FRMD4A: variants seen among roughly 807,000 people sequenced by gnomAD.
FRMD4A encodes the protein FERM domain-containing protein 4A.
A neutral mutation model predicts 129.1 loss-of-function variants in FRMD4A; 29 were observed. The ratio of observed to expected loss-of-function variants is 0.22; its 90% CI spans 0.17 to 0.31. FRMD4A has a LOEUF of 0.31. FRMD4A is among the 10% of genes least tolerant of loss of function. The pLI, the probability that FRMD4A is intolerant of heterozygous loss-of-function variation, is 1.00. For missense variants in FRMD4A, 1,272 were observed against 1,375.8 expected (o/e 0.92, Z 1.19); for synonymous variants, 634 against 571.6 (o/e 1.11, Z -1.56).
chr10:13,949,966 T>C (rs2095360520), intron 2 of FRMD4A, among the ~76,000 whole-genome samples: 1 of 152,256 alleles, frequency 6.6e-6, no homozygotes, highest in African/African-American at 2.4e-5. Flanking sequence ...TTCCATGTCA[T>C]CAAGAATCAA....
chr10:13,932,345 A>T (rs1589315784), intron 2 of FRMD4A, among the ~76,000 whole-genome samples: 3 of 152,260 alleles, frequency 2.0e-5, no homozygotes, highest in East Asian at 1.9e-4. Flanking sequence ...TTCCAGCTCA[A>T]CATCTCCATT....
chr10:14,161,511 A>G (rs1840886295), intron 2 of FRMD4A, among the ~76,000 whole-genome samples: 1 of 152,236 alleles, frequency 6.6e-6, no homozygotes, highest in African/African-American at 2.4e-5. Context: ...AAATCCTGCC[A>G]TTTGCAGGGA....
chr10:13,945,251 C>T (rs1308151175), intron 2 of FRMD4A, among the ~76,000 whole-genome samples: 3 of 152,120 alleles, frequency 2.0e-5, no homozygotes, highest in Non-Finnish European at 4.4e-5. Flanking sequence ...ATTTTCTCTC[C>T]AGTAAAATTT....
intron 2 of FRMD4A, among the ~76,000 whole-genome samples, chr10:13,992,729 G>A (rs780684442): frequency 3.9e-5 from 6 of 151,972 alleles, no homozygotes; most frequent in Non-Finnish European, 8.8e-5. Flanking sequence ...CAAGACACGC[G>A]GATCACCTGA....
At chr10:14,078,781 G>A (rs889401550) in intron 2 of FRMD4A, among the ~76,000 whole-genome samples, 1 of 152,214 alleles carries the variant, frequency 6.6e-6, no homozygotes, top group African/African-American at 2.4e-5. Flanking sequence ...AAGCCCATGT[G>A]TTTCCCCTTC....
intron 2 of FRMD4A, among the ~76,000 whole-genome samples, chr10:13,910,257 C>T (rs189485924): frequency 6.6e-6 from 1 of 152,338 alleles, no homozygotes; most frequent in African/African-American, 2.4e-5. Flanking sequence ...TGGAAGACTG[C>T]CTAGCTGCCA....
In FRMD4A at chr10:14,283,409, A is replaced by AAGCTTATTTTATT. The variant is rs564367180; in HGVS notation, c.45+46636_45+46648dup. On this transcript the variant is annotated intron_variant, in intron 2 of 24. Coordinates refer to ENST00000357447, the MANE Select transcript of FRMD4A (RefSeq NM_018027.5). ...GAAACTACATAACAGACCTAATTAT[A>AAGCTTATTTTATT]AGCTTATTTTATTATTTTACCCTCT... Among the ~76,000 whole-genome samples the AAGCTTATTTTATT allele has an allele frequency of 1.6e-3, 247 of 152,326 alleles. 1 individual carries two copies. Among genetic ancestry groups the AAGCTTATTTTATT allele is most frequent in the African/African-American group, 5.8e-3 (240 of 41,578 alleles).
intron 2 of FRMD4A, among the ~76,000 whole-genome samples, chr10:14,199,411 G>A (rs1389180034): frequency 6.8e-6 from 1 of 147,260 alleles, no homozygotes; most frequent in Non-Finnish European, 1.5e-5. Context: ...TCCACCTCCC[G>A]GGCTCAATCT....
intron 14 of FRMD4A, among the ~76,000 whole-genome samples, chr10:13,698,949 A>T (rs535119730): frequency 2.0e-5 from 3 of 152,144 alleles, no homozygotes; most frequent in African/African-American, 7.2e-5. Flanking sequence ...TCAGTCCCCA[A>T]GGGTTACTTT....
At chr10:13,950,172 G>A (rs528925183) in intron 2 of FRMD4A, among the ~76,000 whole-genome samples, 2 of 152,304 alleles carry the variant, frequency 1.3e-5, no homozygotes, top group South Asian at 4.1e-4. Flanking sequence ...CTAAAATCCT[G>A]TCCCAGATGA....
At chr10:14,103,602 G>A (rs901567301) in intron 2 of FRMD4A, among the ~76,000 whole-genome samples, 1 of 152,148 alleles carries the variant, frequency 6.6e-6, no homozygotes, top group Non-Finnish European at 1.5e-5. Flanking sequence ...CATCTAGTAA[G>A]CATTAGTTTT....
intron 2 of FRMD4A, among the ~76,000 whole-genome samples, chr10:13,968,756 A>G (rs1048285143): frequency 6.6e-6 from 1 of 152,164 alleles, no homozygotes; most frequent in African/African-American, 2.4e-5. Flanking sequence ...ACCTGGCTCC[A>G]TCACTTATTT....
chr10:14,326,916 C>T, intron 2 of FRMD4A: 1 of 398,730 alleles, frequency 2.5e-6, no homozygotes, highest in Non-Finnish European at 4.4e-6. Context: ...CCTAAAAGGC[C>T]ATCTCCACCA....
At chr10:13,975,466 A>G (rs951074802) in intron 2 of FRMD4A, among the ~76,000 whole-genome samples, 7 of 149,006 alleles carry the variant, frequency 4.7e-5, no homozygotes, top group South Asian at 2.2e-4. Flanking sequence ...CTGTTTGTCT[A>G]TTATGTGTCT....
chr10:14,137,361 T>C (rs947124654), intron 2 of FRMD4A, among the ~76,000 whole-genome samples: 1 of 152,200 alleles, frequency 6.6e-6, no homozygotes, highest in South Asian at 2.1e-4. Flanking sequence ...TGCCTGGCAA[T>C]GTGTGTGTTT....
chr10:13,670,591 G>T (rs965187723), intron 16 of FRMD4A, 63 bp from the exon 17 acceptor site: 2 of 1,568,996 alleles, frequency 1.3e-6, no homozygotes, highest in Non-Finnish European at 1.7e-6. Context: ...CTGCTTCCTA[G>T]AACACACACA....
intron 2 of FRMD4A, among the ~76,000 whole-genome samples, chr10:14,002,647 G>T (rs759994955): frequency 1.3e-5 from 2 of 152,158 alleles, no homozygotes; most frequent in Non-Finnish European, 2.9e-5. Context: ...GCCATCGTAC[G>T]GAGGATTATG....
intron 2 of FRMD4A, among the ~76,000 whole-genome samples, chr10:14,119,995 CT>C (rs34292351): frequency 0.23 from 30,266 of 131,142 alleles, 3,350 homozygotes; most frequent in African/African-American, 0.33. Context: ...ATGTCATCTG[CT>C]TTTTTTTTTT....
intron 2 of FRMD4A, among the ~76,000 whole-genome samples, chr10:14,048,878 AATAGAATAGAATAGAATAGAATAG>A (rs1834118140): frequency 7.3e-6 from 1 of 136,608 alleles, no homozygotes; most frequent in African/African-American, 3.0e-5. Context: ...AATAGAATAG[AATAGAATAGAATAGAATAGAATAG>A]AAAATAAAAT....
Sources: gnomAD v4.1 joint callset for allele counts (sites outside exome capture counted in the v4.1 genomes callset) on GRCh38, gnomAD v4.1.1 for gene constraint, MANE v1.5 for transcripts, NCBI Gene and HGNC (gene_info 2026-07-23, HGNC 2026-07-21) for gene names.